Variants in DMD observed in about 807,000 individuals in gnomAD.
DMD encodes the protein dystrophin, also known as mutant dystrophin.
In DMD, 63 loss-of-function variants were observed where a neutral mutation model predicts 330.1. The observed-to-expected ratio is 0.19, with a 90% CI of 0.16 to 0.24. DMD has a LOEUF of 0.24. DMD is among the 10% of genes least tolerant of loss of function. The probability of loss-of-function intolerance (pLI) is 1.00; values close to 1 mark genes in which losing one functional copy is unlikely to be tolerated. For missense variants in DMD, 3,344 were observed against 2,684.1 expected (o/e 1.25, Z -5.43); for synonymous variants, 1,223 against 959.8 (o/e 1.27, Z -5.07).
At chrX:31,665,090 A>C (rs2081353256) in intron 53 of DMD, among the ~76,000 whole-genome samples, 1 of 111,945 alleles carries the variant, frequency 8.9e-6, no homozygotes, top group Admixed American at 9.5e-5. Context: ...AGTCAGTGAA[A>C]GAGTCATCAT....
At chrX:32,040,680 C>T (rs1311585909) in intron 44 of DMD, among the ~76,000 whole-genome samples, 3 of 111,523 alleles carry the variant, frequency 2.7e-5, no homozygotes, top group Non-Finnish European at 5.6e-5. Flanking sequence ...AGGGCAAAGG[C>T]AGATTCACTA....
chrX:32,870,494 A>T (rs983925919), intron 2 of DMD, among the ~76,000 whole-genome samples: 2 of 112,259 alleles, frequency 1.8e-5, no homozygotes, highest in African/African-American at 3.2e-5. Flanking sequence ...AAGCAAAAAT[A>T]ACAAAGCTAG....
At chrX:33,032,939 A>C (rs1037900234) in intron 1 of DMD, among the ~76,000 whole-genome samples, 1 of 112,245 alleles carries the variant, frequency 8.9e-6, no homozygotes, top group African/African-American at 3.2e-5. Context: ...ATAGGAATGA[A>C]GGCCAAACAT....
intron 2 of DMD, among the ~76,000 whole-genome samples, chrX:32,911,668 T>G (rs2087254409): frequency 9.0e-6 from 1 of 111,704 alleles, no homozygotes; most frequent in Admixed American, 9.6e-5. Context: ...GAAACAATTT[T>G]ATACTCAACA....
intron 2 of DMD, among the ~76,000 whole-genome samples, chrX:32,902,070 C>T (rs2086294480): frequency 1.9e-5 from 2 of 108,009 alleles, no homozygotes; most frequent in Admixed American, 1.0e-4. Context: ...GGTAATAATA[C>T]ATATCATACG....
At chrX:31,875,764 A>C (rs760927888) in intron 47 of DMD, among the ~76,000 whole-genome samples, 4 of 112,445 alleles carry the variant, frequency 3.6e-5, no homozygotes, top group Non-Finnish European at 3.8e-5. Context: ...TGCAGTTATA[A>C]AAATGAATAA....
At chrX:33,320,082 T>A (rs190345857) in intron 1 of DMD, among the ~76,000 whole-genome samples, 98 of 111,396 alleles carry the variant, frequency 8.8e-4, no homozygotes, top group African/African-American at 3.1e-3. Flanking sequence ...TGTATAGAGA[T>A]AAAAGCAGTC....
chrX:32,049,105 C>G (rs1420187438), intron 44 of DMD, among the ~76,000 whole-genome samples: 1 of 111,381 alleles, frequency 9.0e-6, no homozygotes, highest in Non-Finnish European at 1.9e-5. Context: ...TTATCTATAT[C>G]TGGAGAAATA....
At chrX:32,640,156 A>C (rs910543292) in intron 11 of DMD, among the ~76,000 whole-genome samples, 1 of 109,702 alleles carries the variant, frequency 9.1e-6, no homozygotes, top group Non-Finnish European at 1.9e-5. Context: ...TACATATAAA[A>C]AGTGACATGG....
chrX:32,935,458 T>C (rs1230327903), intron 2 of DMD, among the ~76,000 whole-genome samples: 2 of 112,071 alleles, frequency 1.8e-5, no homozygotes, highest in Non-Finnish European at 3.8e-5. Context: ...CTACATTATG[T>C]TTTTATGATT....
intron 44 of DMD, among the ~76,000 whole-genome samples, chrX:32,160,230 G>GT (rs2096844512): frequency 9.6e-6 from 1 of 103,840 alleles, no homozygotes. Context: ...TTTTGTTTGC[G>GT]TGTTTGTTTT....
At chrX:32,634,744 C>T (rs187495467) in intron 11 of DMD, among the ~76,000 whole-genome samples, 31 of 112,015 alleles carry the variant, frequency 2.8e-4, no homozygotes, top group Middle Eastern at 4.7e-3. Context: ...CTTGTCTCCT[C>T]TCTTCTTCAT....
chrX:31,992,755 A>G (rs5927917), intron 44 of DMD, among the ~76,000 whole-genome samples: 18,215 of 110,721 alleles, frequency 0.16, 1,226 homozygotes, highest in South Asian at 0.39. Context: ...ATAAATGAAA[A>G]TGAAACTAGA....
chrX:32,860,811 G>T (rs2082021454), intron 2 of DMD, among the ~76,000 whole-genome samples: 1 of 110,856 alleles, frequency 9.0e-6, no homozygotes, highest in African/African-American at 3.3e-5. Context: ...CCTCAAGAAT[G>T]GCCACTATGA....
At chrX:32,634,324 C>A (rs2058943150) in intron 11 of DMD, among the ~76,000 whole-genome samples, 1 of 111,589 alleles carries the variant, frequency 9.0e-6, no homozygotes, top group South Asian at 3.8e-4. Flanking sequence ...GATGCTCTGC[C>A]CCACTGTGGT....
Position 31,121,198 on chromosome X carries a change from TTATC to T in DMD, c.*717_*720del, listed in dbSNP as rs1301792624. ...TCAGTCTATAGAAATTCGTATCTCT[TTATC>T]TATATAACTATAGTATTTATATACT... On this transcript the variant is annotated 3_prime_UTR_variant, in exon 79 of 79. Transcript: ENST00000357033. 6 of 111,801 alleles carry T rather than the reference TTATC, an allele frequency of 5.4e-5. No individual in the cohort carries two copies. Among genetic ancestry groups the T allele is most frequent in the African/African-American group, 1.6e-4 (5 of 30,719 alleles). The allele number at this position is 111,801 out of a possible 1,213,427, so 9.2% of individuals were successfully genotyped here.
At chrX:32,868,418 A>G (rs2082688665) in intron 2 of DMD, among the ~76,000 whole-genome samples, 1 of 111,410 alleles carries the variant, frequency 9.0e-6, no homozygotes, top group Non-Finnish European at 1.9e-5. Context: ...GCGGCATCTA[A>G]GAGAACTGCC....
At chrX:31,417,378 T>TCCTCCCA (rs1423840107) in intron 60 of DMD, among the ~76,000 whole-genome samples, 1 of 109,310 alleles carries the variant, frequency 9.1e-6, no homozygotes, top group Non-Finnish European at 1.9e-5. Context: ...TGCAACCTCC[T>TCCTCCCA]CCTCCCAGGT....
chrX:33,010,234 A>G (rs12394549), intron 2 of DMD, among the ~76,000 whole-genome samples: 32,503 of 95,949 alleles, frequency 0.34, 5,686 homozygotes, highest in East Asian at 0.44. Context: ...GTGTGTATAT[A>G]TGTACATATG....
Sources: allele counts gnomAD v4.1 joint callset (sites outside exome capture counted in the v4.1 genomes callset), GRCh38; gene constraint gnomAD v4.1.1; transcripts MANE v1.5; gene names NCBI Gene and HGNC (gene_info 2026-07-23, HGNC 2026-07-21).